NAA35: variants seen among roughly 807,000 people sequenced by gnomAD.
NAA35 encodes the protein N-alpha-acetyltransferase 35, NatC auxiliary subunit.
Under a neutral mutation model 101.7 loss-of-function variants are expected in NAA35, and 18 were observed. The observed-to-expected ratio is 0.18, with a 90% CI of 0.12 to 0.26. The LOEUF is 0.26. NAA35 is among the 10% of genes least tolerant of loss of function. NAA35 has a pLI of 1.00. For missense variants in NAA35, 601 were observed against 886.8 expected, an observed-to-expected ratio of 0.68 and a Z score of 4.09; for synonymous variants, 267 against 273.1, an observed-to-expected ratio of 0.98 and a Z score of 0.22.
intron 13 of NAA35, among the ~76,000 whole-genome samples, chr9:86,007,151 T>C (rs146600446): frequency 2.4e-4 from 36 of 152,358 alleles, no homozygotes; most frequent in Admixed American, 2.3e-3. Context: ...TTTATTTCTG[T>C]ACATTTTTTA....
At chr9:85,945,204 T>A (rs1828710025) in intron 2 of NAA35, among the ~76,000 whole-genome samples, 2 of 152,138 alleles carry the variant, frequency 1.3e-5, no homozygotes, top group South Asian at 4.1e-4. Context: ...CAACATACCA[T>A]CCTATTAACT....
chr9:85,952,308 G>T (rs1465233163), intron 2 of NAA35, among the ~76,000 whole-genome samples: 1 of 141,606 alleles, frequency 7.1e-6, no homozygotes, highest in Admixed American at 7.2e-5. Flanking sequence ...TTTTTGAGAC[G>T]GTGTTTCGCT....
At chr9:85,987,547 A>T (rs1020292414) in intron 11 of NAA35, among the ~76,000 whole-genome samples, 5 of 151,900 alleles carry the variant, frequency 3.3e-5, no homozygotes, top group Non-Finnish European at 5.9e-5. Context: ...TTAGTTCAAA[A>T]TTTTTTCTGT....
intron 6 of NAA35, among the ~76,000 whole-genome samples, chr9:85,970,011 C>T (rs1378503631): frequency 6.6e-6 from 1 of 152,162 alleles, no homozygotes; most frequent in East Asian, 1.9e-4. Context: ...TAGATTTGGT[C>T]TTAAACTTGA....
rs1832630824 is a variant in NAA35 at position 86,022,914 on chromosome 9, C to T, written c.*954C>T. Among the ~76,000 whole-genome samples the T allele has an allele frequency of 1.3e-5, 2 of 152,146 alleles. No individual in the cohort carries two copies. The highest frequency in any genetic ancestry group is 4.1e-4 in the South Asian group (2 of 4,832). On this transcript the variant is annotated 3_prime_UTR_variant, in exon 23 of 23. Transcript: ENST00000361671. ...CCTCTGTAGCAGGCAATACTCTTAG[C>T]AAAATGAGTTACTCTGTGGTGTAAA... is the stretch of plus-strand genomic sequence containing the variant.
At chr9:85,997,840 A>T (rs1019119141) in intron 12 of NAA35, among the ~76,000 whole-genome samples, 3 of 152,072 alleles carry the variant, frequency 2.0e-5, no homozygotes, top group African/African-American at 7.2e-5. Context: ...AAAACATATA[A>T]ATGTGTATAT....
chr9:85,960,877 C>A (rs963195260), intron 5 of NAA35, among the ~76,000 whole-genome samples: 1 of 152,110 alleles, frequency 6.6e-6, no homozygotes, highest in Non-Finnish European at 1.5e-5. Flanking sequence ...GAATGGTAGG[C>A]GTATGACAGG....
intron 6 of NAA35, 49 bp downstream of exon 6, chr9:85,962,229 G>T (rs760548067): frequency 4.4e-6 from 7 of 1,574,476 alleles, no homozygotes; most frequent in Non-Finnish European, 6.0e-6. Context: ...GGTGGCTCAT[G>T]CCTGTAATCT....
rs1828496527 is a variant in NAA35, at chr9:85,941,221, A to G, written c.-58A>G. 1 of 986,350 alleles carries G rather than the reference A, an allele frequency of 1.0e-6. No homozygotes were observed. Among genetic ancestry groups the G allele is most frequent in the Non-Finnish European group, 1.2e-6 (1 of 830,802 alleles). The allele number at this position is 986,350 out of a possible 1,614,324, so 61.1% of individuals were successfully genotyped here. A position where few individuals can be genotyped will look rare whatever the true frequency, so the allele number is the denominator to read the frequency against. On this transcript the variant is annotated 5_prime_UTR_variant, in exon 1 of 23. Transcript: ENST00000361671. ...CGGCGGCGGCCGAGGCGGCGTCGTT[A>G]TTTCCGTGGTCCGGACAGTGCGTGG...
chr9:85,942,346 T>G, intron 2 of NAA35, 63 bp downstream of exon 2: 1 of 1,578,100 alleles, frequency 6.3e-7, no homozygotes, highest in Non-Finnish European at 8.6e-7. Flanking sequence ...GATTGTGCTT[T>G]CTAAACTTAC....
chr9:85,997,098 G>T (rs531427189), intron 12 of NAA35, among the ~76,000 whole-genome samples: 1 of 151,992 alleles, frequency 6.6e-6, no homozygotes, highest in South Asian at 2.1e-4. Context: ...GACCACAGGC[G>T]TGTGCCACCA....
chr9:86,013,018 C>T, intron 15 of NAA35, 28 bp from the exon 16 acceptor site: 1 of 1,411,984 alleles, frequency 7.1e-7, no homozygotes, highest in South Asian at 1.6e-5. Flanking sequence ...TTCATATTTA[C>T]AGTTGACAAA....
intron 11 of NAA35, among the ~76,000 whole-genome samples, chr9:85,982,988 A>T (rs1183692360): frequency 6.6e-6 from 1 of 152,230 alleles, no homozygotes; most frequent in Non-Finnish European, 1.5e-5. Flanking sequence ...GGTTTGCCAG[A>T]TACTTCTGGA....
At chr9:85,946,684 A>ATTT (rs111378968) in intron 2 of NAA35, among the ~76,000 whole-genome samples, 3,249 of 146,106 alleles carry the variant, frequency 0.022, 92 homozygotes, top group African/African-American at 0.067. Context: ...TTTTTTTGCG[A>ATTT]TTTTTTTTTT....
intron 15 of NAA35, among the ~76,000 whole-genome samples, chr9:86,011,487 G>C (rs886455924): frequency 6.6e-6 from 1 of 150,558 alleles, no homozygotes; most frequent in Non-Finnish European, 1.5e-5. Flanking sequence ...GCATTCGGAG[G>C]AGCAGAGACT....
chr9:86,010,197 G>A (rs1831837032), intron 15 of NAA35, among the ~76,000 whole-genome samples: 3 of 152,110 alleles, frequency 2.0e-5, no homozygotes, highest in African/African-American at 7.2e-5. Context: ...AACCAAGATC[G>A]TGCCACTGCA....
chr9:85,955,773 T>A (rs1217153950), intron 2 of NAA35, among the ~76,000 whole-genome samples: 1 of 152,176 alleles, frequency 6.6e-6, no homozygotes, highest in Non-Finnish European at 1.5e-5. Flanking sequence ...CAACTCTAGA[T>A]TTCATTGGTT....
intron 11 of NAA35, among the ~76,000 whole-genome samples, chr9:85,985,948 C>A (rs1225352066): frequency 6.6e-6 from 1 of 152,034 alleles, no homozygotes; most frequent in East Asian, 1.9e-4. Flanking sequence ...GGGAATAAAT[C>A]AAGAAAGAGG....
At chr9:85,976,835 G>T (rs1564301719) in intron 9 of NAA35, 100 bp downstream of exon 9, 2 of 870,098 alleles carry the variant, frequency 2.3e-6, no homozygotes, top group South Asian at 3.5e-5. Context: ...CCCTTTTTAA[G>T]GTATTTCTTT....
Sources: gnomAD v4.1 joint callset for allele counts (sites outside exome capture counted in the v4.1 genomes callset) on GRCh38, gnomAD v4.1.1 for gene constraint, MANE v1.5 for transcripts, NCBI Gene and HGNC (gene_info 2026-07-23, HGNC 2026-07-21) for gene names.